The following NEBL variants were observed in gnomAD, a reference collection of about 807,000 sequenced individuals.
The protein encoded by NEBL is nebulette.
A neutral mutation model predicts 140.2 loss-of-function variants in NEBL; 122 were observed. That is an observed-to-expected ratio of 0.87 (90% confidence interval 0.75 to 1.01). The LOEUF is 1.01. NEBL is among the 50% of genes least tolerant of loss of function. The pLI is 0.00. For synonymous variants in NEBL, 436 were observed against 398.9 expected, an observed-to-expected ratio of 1.09 and a Z score of -1.11; for missense variants, 1,365 against 1,231.3, an observed-to-expected ratio of 1.11 and a Z score of -1.62.
chr10:20,901,889 C>G (rs1847887987), upstream of NEBL, among the ~76,000 whole-genome samples: 1 of 152,156 alleles, frequency 6.6e-6, no homozygotes, highest in South Asian at 2.1e-4. Context: ...CAAGATAAAT[C>G]ATTTCTTGAA....
intron 2 of NEBL, among the ~76,000 whole-genome samples, chr10:21,087,525 C>G (rs183388268): frequency 9.9e-4 from 151 of 152,296 alleles, no homozygotes; most frequent in African/African-American, 3.5e-3. Context: ...CTGCCTCTAA[C>G]AGAATTCACA....
Position 20,826,498 on chromosome 10 carries a change from T to C in NEBL, c.1818A>G (p.Lys606=). The C allele has an allele frequency of 6.2e-7, 1 of 1,612,980 alleles. No individual in the cohort carries two copies. The highest frequency in any genetic ancestry group is 8.5e-7 in the Non-Finnish European group (1 of 1,179,270). ...KKEVGAGTAV[K]DSPEIERVKK... The stretch of plus-strand genomic sequence containing the variant: ...TCACTCGTTCGATCTCTGGGCTATC[T>C]TTCACTGCAGTGCCAGCTCCCACTT... The change falls in exon 18 of 28, where the codon AAA becomes AAG. Residue 606 remains lysine, a synonymous_variant. Coordinates refer to ENST00000377122, the MANE Select transcript of NEBL (RefSeq NM_006393.3).
rs566099090 is a variant in NEBL, at chr10:21,145,930, T to C, written c.164+26453A>G. ...CTCTCTGGACCGCAGCTCGGGCCCATTGGGCATCTAACAACAGGTCTGAAA... is the reference window on the plus strand; with the variant it reads ...CTCTCTGGACCGCAGCTCGGGCCCACTGGGCATCTAACAACAGGTCTGAAA... On this transcript the variant is annotated intron_variant, in intron 2 of 6. Coordinates refer to the NEBL transcript ENST00000417816. Among the ~76,000 whole-genome samples the C allele has an allele frequency of 6.6e-5, 10 of 152,264 alleles. No homozygotes were observed. In the South Asian group the frequency reaches 8.3e-4, roughly 13 times the overall value.
At chr10:20,908,536 C>A (rs573468661) in intron 4 of NEBL, among the ~76,000 whole-genome samples, 1 of 152,242 alleles carries the variant, frequency 6.6e-6, no homozygotes, top group South Asian at 2.1e-4. Context: ...ATTTGAGGAG[C>A]TTTTCCTGCT....
chr10:21,104,393 C>T (rs1038108680), intron 2 of NEBL, among the ~76,000 whole-genome samples: 3 of 152,064 alleles, frequency 2.0e-5, no homozygotes, highest in Non-Finnish European at 2.9e-5. Context: ...TTCACTAGGC[C>T]TTATTTAATT....
Position 21,047,746 on chromosome 10 carries a change from A to G in NEBL, c.165-27545T>C, listed in dbSNP as rs562953847. On this transcript the variant is annotated intron_variant, in intron 2 of 6. Transcript: ENST00000417816. ...CTTAATCCTTGTTCTGCCACCAACTAGCTCTGTGACTTTGACCAAATCACT... is the reference window on the plus strand; with the variant it reads ...CTTAATCCTTGTTCTGCCACCAACTGGCTCTGTGACTTTGACCAAATCACT... Among the ~76,000 whole-genome samples the G allele has an allele frequency of 1.6e-4, 24 of 152,322 alleles. No homozygotes were observed. The South Asian group carries it at 2.3e-3, about 14-fold the overall frequency.
chr10:21,156,680 A>T (rs1304698841), intron 2 of NEBL, among the ~76,000 whole-genome samples: 1 of 152,182 alleles, frequency 6.6e-6, no homozygotes, highest in Non-Finnish European at 1.5e-5. Flanking sequence ...TGAAATACAG[A>T]TACAATCCTT....
chr10:21,043,016 T>G (rs2131834888), intron 2 of NEBL, among the ~76,000 whole-genome samples: 1 of 152,366 alleles, frequency 6.6e-6, no homozygotes, highest in South Asian at 2.1e-4. Flanking sequence ...TGGAAAAGTC[T>G]GCTGTGTATG....
At chr10:21,191,623 C>G (rs757926086) in intron 3 of NEBL, among the ~76,000 whole-genome samples, 3 of 152,162 alleles carry the variant, frequency 2.0e-5, no homozygotes, top group Non-Finnish European at 2.9e-5. Context: ...AGAGTGAAAC[C>G]AGCATTTGCT....
At chr10:20,822,601 A>G (rs1839442104) in intron 19 of NEBL, among the ~76,000 whole-genome samples, 1 of 151,452 alleles carries the variant, frequency 6.6e-6, no homozygotes, top group Non-Finnish European at 1.5e-5. Flanking sequence ...TATAGACTAT[A>G]TATAAACTAA....
chr10:21,239,879 C>A lies in NEBL; in HGVS notation n.348+8042G>T, dbSNP rs552082652. 1.3e-3 allele frequency among the ~76,000 whole-genome samples: 191 copies of A among 151,962 alleles called. 2 individuals are homozygous for A. The highest frequency in any genetic ancestry group is 0.011 in the East Asian group (58 of 5,136). ...AAAATACAAAAAATTAGCCGGGCAT[C>A]GTGGCGGTCACCTGTAGTCCCAGCT... On this transcript the variant is annotated intron_variant and non_coding_transcript_variant, in intron 3 of 8. Coordinates refer to the NEBL transcript ENST00000675702.
At chr10:21,123,466 A>C (rs1838671130) in intron 2 of NEBL, among the ~76,000 whole-genome samples, 1 of 152,218 alleles carries the variant, frequency 6.6e-6, no homozygotes, top group African/African-American at 2.4e-5. Flanking sequence ...TGAAGATATC[A>C]GTAAAAAGCT....
intron 2 of NEBL, among the ~76,000 whole-genome samples, chr10:21,169,694 C>T (rs189863033): frequency 1.3e-5 from 2 of 152,308 alleles, no homozygotes; most frequent in African/African-American, 4.8e-5. Flanking sequence ...GCTGTCTACA[C>T]ATTCATTCAC....
chr10:20,973,955 C>T (rs1313672325), intron 3 of NEBL, among the ~76,000 whole-genome samples: 1 of 152,238 alleles, frequency 6.6e-6, no homozygotes, highest in African/African-American at 2.4e-5. Context: ...CAAGCAGGCA[C>T]ACTTCTGCCC....
At chr10:20,951,089 G>A (rs915057878) in intron 4 of NEBL, among the ~76,000 whole-genome samples, 1 of 152,052 alleles carries the variant, frequency 6.6e-6, no homozygotes, top group Non-Finnish European at 1.5e-5. Context: ...GGGCAATATA[G>A]GCAAACCTTA....
intron 2 of NEBL, among the ~76,000 whole-genome samples, chr10:21,101,575 G>T (rs1199501678): frequency 6.6e-6 from 1 of 152,212 alleles, no homozygotes; most frequent in African/African-American, 2.4e-5. Context: ...CAGAGCCCCT[G>T]CATTAGCTAG....
At chr10:21,008,232 A>C (rs983393868) in intron 3 of NEBL, among the ~76,000 whole-genome samples, 1 of 152,160 alleles carries the variant, frequency 6.6e-6, no homozygotes, top group African/African-American at 2.4e-5. Flanking sequence ...ATGCATATCT[A>C]TATATATGTA....
chr10:21,003,558 T>A (rs561181072), intron 3 of NEBL, among the ~76,000 whole-genome samples: 3 of 152,356 alleles, frequency 2.0e-5, no homozygotes, highest in Admixed American at 6.5e-5. Context: ...TCTGTATCCC[T>A]ACTGGTACCT....
At chr10:20,956,597 T>C (rs75067084) in intron 4 of NEBL, among the ~76,000 whole-genome samples, 5,106 of 152,250 alleles carry the variant, frequency 0.034, 271 homozygotes, top group African/African-American at 0.11. Flanking sequence ...ACAATAAAAA[T>C]AACATTCATT....
Sources: allele counts gnomAD v4.1 joint callset (sites outside exome capture counted in the v4.1 genomes callset), GRCh38; gene constraint gnomAD v4.1.1; transcripts MANE v1.5; gene names NCBI Gene and HGNC (gene_info 2026-07-23, HGNC 2026-07-21).